Variants in KAZN observed in about 807,000 individuals in gnomAD.
KAZN encodes the protein kazrin.
KAZN carries 40 observed loss-of-function variants against 87.4 expected under a neutral mutation model. The ratio of observed to expected loss-of-function variants is 0.46; its 90% CI spans 0.36 to 0.60. The LOEUF is 0.60. KAZN is among the 20% of genes least tolerant of loss of function. KAZN has a pLI of 0.00. For synonymous variants in KAZN, 466 were observed against 458.3 expected (o/e 1.02, Z -0.22); for missense variants, 898 against 1,073.9 (o/e 0.84, Z 2.29).
chr1:14,005,883 G>A (rs1640015395), intron 1 of KAZN, among the ~76,000 whole-genome samples: 1 of 152,178 alleles, frequency 6.6e-6, no homozygotes, highest in Non-Finnish European at 1.5e-5. Context: ...GATCCTGGAT[G>A]AGCAAACAAG....
intron 1 of KAZN, among the ~76,000 whole-genome samples, chr1:14,823,160 C>T (rs1252225559): frequency 2.6e-5 from 4 of 152,206 alleles, no homozygotes; most frequent in Non-Finnish European, 5.9e-5. Flanking sequence ...GAAGGCCCGT[C>T]GCCTCGGCCA....
At chr1:14,109,356 C>A (rs560748827) in intron 1 of KAZN, among the ~76,000 whole-genome samples, 1 of 152,210 alleles carries the variant, frequency 6.6e-6, no homozygotes, top group Non-Finnish European at 1.5e-5. Flanking sequence ...AACTAACTCT[C>A]CTTCTGATGT....
At chr1:14,709,690 T>G (rs16850749) in intron 1 of KAZN, among the ~76,000 whole-genome samples, 1 of 152,144 alleles carries the variant, frequency 6.6e-6, no homozygotes, top group Non-Finnish European at 1.5e-5. Flanking sequence ...GGATACAGTA[T>G]GAAGAGTGGG....
chr1:14,172,369 C>T (rs1645971719), intron 1 of KAZN, among the ~76,000 whole-genome samples: 1 of 152,096 alleles, frequency 6.6e-6, no homozygotes, highest in African/African-American at 2.4e-5. Context: ...TGGCTTTTTC[C>T]TTCATTTCTT....
chr1:13,969,563 G>A (rs1642066415), intron 1 of KAZN, among the ~76,000 whole-genome samples: 1 of 152,108 alleles, frequency 6.6e-6, no homozygotes, highest in South Asian at 2.1e-4. Context: ...CTTTTCCCTA[G>A]TCACTCTGCT....
chr1:14,508,998 G>A (rs1265962826), intron 2 of KAZN, among the ~76,000 whole-genome samples: 1 of 152,180 alleles, frequency 6.6e-6, no homozygotes, highest in African/African-American at 2.4e-5. Flanking sequence ...GGGCTTATTG[G>A]AACCAGTGGA....
chr1:14,576,204 G>A (rs1675168507), intron 2 of KAZN, among the ~76,000 whole-genome samples: 1 of 152,176 alleles, frequency 6.6e-6, no homozygotes, highest in South Asian at 2.1e-4. Context: ...GGACCTCACA[G>A]ATTATAGTAA....
At chr1:13,918,447 G>T (rs1348757765) in intron 1 of KAZN, among the ~76,000 whole-genome samples, 1 of 152,076 alleles carries the variant, frequency 6.6e-6, no homozygotes, top group Admixed American at 6.5e-5. Flanking sequence ...TGGAGGAGAA[G>T]TTGCTTCTTA....
rs144356551 is a variant in KAZN at position 14,568,526 on chromosome 1, G to A, written c.250-30457G>A. On this transcript the variant is annotated intron_variant, in intron 2 of 16. Coordinates refer to the KAZN transcript ENST00000636203. ...AGAGAACATGTGCAGGGGAACTCCC[G>A]TTTATAAACCATCAGATCTCGTGAG... 5.8e-3 allele frequency among the ~76,000 whole-genome samples: 885 copies of A among 152,246 alleles called. 11 individuals carry two copies. Among genetic ancestry groups the A allele is most frequent in the African/African-American group, 0.02 (821 of 41,528 alleles).
chr1:13,926,478 T>C (rs1428425756), intron 1 of KAZN, among the ~76,000 whole-genome samples: 1 of 152,164 alleles, frequency 6.6e-6, no homozygotes, highest in Non-Finnish European at 1.5e-5. Context: ...GATGGCTTCC[T>C]CCCACATTTC....
At chr1:14,012,712 C>T (rs554490439) in intron 1 of KAZN, among the ~76,000 whole-genome samples, 8 of 152,160 alleles carry the variant, frequency 5.3e-5, no homozygotes, top group East Asian at 1.9e-4. Context: ...GGCTGAGGCA[C>T]GAGAATCACT....
chr1:14,734,010 G>T (rs1643805816), intron 1 of KAZN, among the ~76,000 whole-genome samples: 1 of 152,126 alleles, frequency 6.6e-6, no homozygotes, highest in Non-Finnish European at 1.5e-5. Context: ...CCCTTCATCT[G>T]GATATCTACG....
chr1:14,525,088 T>A (rs1671791851), intron 2 of KAZN, among the ~76,000 whole-genome samples: 1 of 152,218 alleles, frequency 6.6e-6, no homozygotes, highest in South Asian at 2.1e-4. Flanking sequence ...TCAGAGCAGA[T>A]GACACATGGA....
intron 2 of KAZN, among the ~76,000 whole-genome samples, chr1:14,276,160 GGTGTGTGTGTGTGTGTGTGT>G (rs5772575): frequency 1.5e-5 from 2 of 135,692 alleles, no homozygotes; most frequent in African/African-American, 5.2e-5. Context: ...TCGCTATAAG[GGTGTGTGTGTGTGTGTGTGT>G]GTGTGTGTGT....
Position 14,177,659 on chromosome 1 carries a change from C to T in KAZN, c.92-2776C>T, listed in dbSNP as rs536162787. Among the ~76,000 whole-genome samples, 58 of 152,218 alleles carry T rather than the reference C, an allele frequency of 3.8e-4. 1 individual carries two copies. The Middle Eastern group carries it at 0.01, about 27-fold the overall frequency. On this transcript the variant is annotated intron_variant, in intron 1 of 16. Transcript: ENST00000636203. ...ATTGTTTTTTGGTCTCTAAATGTAA[C>T]ATGCCTTTTTTCTATGATCCTGTGT...
chr1:14,370,420 G>A (rs1024025622), intron 2 of KAZN, among the ~76,000 whole-genome samples: 19 of 152,218 alleles, frequency 1.2e-4, no homozygotes, highest in African/African-American at 4.6e-4. Context: ...GATCTGAGCT[G>A]AGGCTCAGTT....
At chr1:14,800,172 C>A (rs1466764255) in intron 1 of KAZN, among the ~76,000 whole-genome samples, 1 of 152,158 alleles carries the variant, frequency 6.6e-6, no homozygotes, top group Non-Finnish European at 1.5e-5. Flanking sequence ...CATGGCAGAT[C>A]TCCAGGTTTT....
At chr1:15,029,441 A>G (rs905894830) in intron 2 of KAZN, among the ~76,000 whole-genome samples, 4 of 152,116 alleles carry the variant, frequency 2.6e-5, no homozygotes, top group African/African-American at 9.7e-5. Context: ...CCCAGGTTAG[A>G]TGCAGGAGGC....
chr1:14,210,451 G>A (rs74525787), intron 2 of KAZN, among the ~76,000 whole-genome samples: 2,605 of 152,248 alleles, frequency 0.017, 67 homozygotes, highest in African/African-American at 0.058. Context: ...CACTTACATA[G>A]TCATCCTGCA....
Sources: allele counts gnomAD v4.1 joint callset (sites outside exome capture counted in the v4.1 genomes callset), GRCh38; gene constraint gnomAD v4.1.1; transcripts MANE v1.5; gene names NCBI Gene and HGNC (gene_info 2026-07-23, HGNC 2026-07-21).